The following LHFPL7 variants were observed in gnomAD, a reference collection of about 807,000 sequenced individuals.
LHFPL7 encodes LHFPL tetraspan subfamily member 7 protein.
the LHFPL7 span, among the ~76,000 whole-genome samples, chr22:24,935,909 C>T: frequency 6.6e-6 from 1 of 152,122 alleles, no homozygotes; most frequent in Non-Finnish European, 1.5e-5. Flanking sequence ...TGCCACCCAT[C>T]CATCTGCTCA....
the LHFPL7 span, chr22:24,939,550 G>T: frequency 5.7e-6 from 4 of 702,616 alleles, no homozygotes; most frequent in Admixed American, 8.0e-5. Context: ...CAGTATCGCT[G>T]ACCTAGGGGT....
the LHFPL7 span, among the ~76,000 whole-genome samples, chr22:24,940,054 A>G: frequency 6.7e-6 from 1 of 148,232 alleles, no homozygotes; most frequent in Non-Finnish European, 1.5e-5. Flanking sequence ...CAGCCTCCGG[A>G]GTAGCTGGGA....
chr22:24,938,598 T>G, the LHFPL7 span, among the ~76,000 whole-genome samples: 1 of 152,212 alleles, frequency 6.6e-6, no homozygotes, highest in Non-Finnish European at 1.5e-5. Flanking sequence ...AGAATGAAGA[T>G]CCACATTGAC....
chr22:24,936,368 GTCCA>G, the LHFPL7 span, among the ~76,000 whole-genome samples: 2 of 151,878 alleles, frequency 1.3e-5, no homozygotes, highest in South Asian at 2.1e-4. Flanking sequence ...CCATCCACCA[GTCCA>G]TCCATCCATC....
the LHFPL7 span, among the ~76,000 whole-genome samples, chr22:24,946,304 T>C: frequency 6.6e-6 from 1 of 151,812 alleles, no homozygotes; most frequent in East Asian, 1.9e-4. Flanking sequence ...AGCAAGACTG[T>C]CTCAAAAAAA....
chr22:24,938,429 C>G, the LHFPL7 span: 1 of 1,449,794 alleles, frequency 6.9e-7, no homozygotes, highest in Non-Finnish European at 9.3e-7. Context: ...CTCCCCTGCT[C>G]ATTGACCAGC....
chr22:24,942,241 G>A, the LHFPL7 span, among the ~76,000 whole-genome samples: 11 of 152,264 alleles, frequency 7.2e-5, no homozygotes, highest in Non-Finnish European at 1.3e-4. Context: ...TGATCCACCC[G>A]CCTCGGCCTC....
the LHFPL7 span, chr22:24,935,577 C>G: frequency 6.2e-7 from 1 of 1,612,056 alleles, no homozygotes; most frequent in Non-Finnish European, 8.5e-7. Flanking sequence ...AATCAGCAGA[C>G]CCACAATCAT....
At chr22:24,936,331 TTCCTA>T in the LHFPL7 span, among the ~76,000 whole-genome samples, 1 of 152,082 alleles carries the variant, frequency 6.6e-6, no homozygotes, top group South Asian at 2.1e-4. Context: ...CTATCAATTT[TTCCTA>T]TCCTTGCATC....
chr22:24,940,163 T>A, the LHFPL7 span, among the ~76,000 whole-genome samples: 1 of 149,564 alleles, frequency 6.7e-6, no homozygotes, highest in Non-Finnish European at 1.5e-5. Flanking sequence ...CCTGACCTTG[T>A]GATCCGCCTG....
chr22:24,943,157 G>A, the LHFPL7 span, among the ~76,000 whole-genome samples: 1 of 152,100 alleles, frequency 6.6e-6, no homozygotes, highest in Admixed American at 6.6e-5. Flanking sequence ...TGGCAAGATA[G>A]TGAGGGGTGT....
At chr22:24,939,581 G>A in the LHFPL7 span, 3 of 701,174 alleles carry the variant, frequency 4.3e-6, no homozygotes, top group African/African-American at 1.7e-5. Flanking sequence ...GATTACTAAT[G>A]GAGACTGCAG....
At chr22:24,937,259 C>T in the LHFPL7 span, among the ~76,000 whole-genome samples, 3 of 152,122 alleles carry the variant, frequency 2.0e-5, no homozygotes, top group Admixed American at 1.3e-4. Flanking sequence ...GAGCAGAGCC[C>T]GTAATGAAGT....
the LHFPL7 span, among the ~76,000 whole-genome samples, chr22:24,939,798 A>AC: frequency 1.3e-5 from 2 of 151,930 alleles, no homozygotes; most frequent in African/African-American, 2.4e-5. Context: ...GCCCTGAAAG[A>AC]CCTTTGAACA....
the LHFPL7 span, among the ~76,000 whole-genome samples, chr22:24,943,035 G>A: frequency 6.6e-6 from 1 of 151,804 alleles, no homozygotes; most frequent in Non-Finnish European, 1.5e-5. Context: ...GTGGCTGCTC[G>A]CCAGCAAGTG....
At chr22:24,937,472 C>CT in the LHFPL7 span, among the ~76,000 whole-genome samples, 2 of 152,120 alleles carry the variant, frequency 1.3e-5, no homozygotes, top group African/African-American at 4.8e-5. Flanking sequence ...AGATTTTACT[C>CT]TGAGTATGAT....
the LHFPL7 span, among the ~76,000 whole-genome samples, chr22:24,940,039 T>G: frequency 6.7e-6 from 1 of 148,338 alleles, no homozygotes; most frequent in African/African-American, 2.5e-5. Flanking sequence ...GCCATTCTCC[T>G]GCCTCAGCCT....
At chr22:24,943,907 T>G in the LHFPL7 span, among the ~76,000 whole-genome samples, 1 of 152,202 alleles carries the variant, frequency 6.6e-6, no homozygotes, top group Admixed American at 6.5e-5. Context: ...AGTCTCTTTC[T>G]TCTTCTGGCT....
At chr22:24,935,689 CATCT>C in the LHFPL7 span, 1 of 1,456,186 alleles carries the variant, frequency 6.9e-7, no homozygotes, top group African/African-American at 1.4e-5. Context: ...TCCACCCATC[CATCT>C]ATCCACCCAC....
Sources: allele counts gnomAD v4.1 joint callset (sites outside exome capture counted in the v4.1 genomes callset), GRCh38; gene constraint gnomAD v4.1.1; transcripts MANE v1.5; gene names NCBI Gene and HGNC (gene_info 2026-07-23, HGNC 2026-07-21).